PKHD1: variants seen among roughly 807,000 people sequenced by gnomAD.
PKHD1 encodes PKHD1 ciliary IPT domain containing fibrocystin/polyductin.
PKHD1 carries 291 observed loss-of-function variants against 412.0 expected under a neutral mutation model. That is an observed-to-expected ratio of 0.71 (90% CI 0.64 to 0.78). The LOEUF is 0.78. Among genes scored for constraint, PKHD1 ranks in the 30% least tolerant of loss-of-function variants. The pLI, the probability that PKHD1 is intolerant of heterozygous loss-of-function variation, is 0.00. For missense variants in PKHD1, 4,825 were observed against 4,950.7 expected, an observed-to-expected ratio of 0.97 and a Z score of 0.76; for synonymous variants, 1,777 against 1,821.5, an observed-to-expected ratio of 0.98 and a Z score of 0.62.
intron 55 of PKHD1, 103 bp from the exon 56 acceptor site, chr6:51,755,041 C>A: frequency 1.0e-6 from 1 of 971,868 alleles, no homozygotes; most frequent in Admixed American, 1.7e-5. Context: ...CAACATATCC[C>A]ACCAGAGAAA....
intron 60 of PKHD1, among the ~76,000 whole-genome samples, chr6:51,739,113 A>G (rs951148205): frequency 3.4e-5 from 5 of 146,534 alleles, no homozygotes; most frequent in Admixed American, 6.8e-5. Context: ...ATATATTTAT[A>G]TATTTTTTTA....
chr6:51,643,197 AAC>A (rs937789398), intron 63 of PKHD1, among the ~76,000 whole-genome samples: 10 of 152,226 alleles, frequency 6.6e-5, no homozygotes, highest in Non-Finnish European at 1.5e-4. Context: ...ACAGCATCAA[AAC>A]AGGCAGTTCG....
chr6:52,072,917 CT>C (rs1810841543), intron 7 of PKHD1, among the ~76,000 whole-genome samples: 2 of 152,308 alleles, frequency 1.3e-5, no homozygotes, highest in African/African-American at 4.8e-5. Context: ...TGTTCTCTCT[CT>C]CCAGTGTGGA....
intron 60 of PKHD1, chr6:51,741,152 T>G: frequency 1.9e-6 from 1 of 518,980 alleles, no homozygotes. Context: ...AAGAACATAT[T>G]TGTGCCTAAA....
Position 51,867,866 on chromosome 6 carries a change from C to T in PKHD1, c.7730G>A (p.Gly2577Asp). ...GGVLFHRMSI[G>D]LANTPEVSYD... ...AAGTATAGTTAATTCCACTTACAAA[C>T]CAATAGACATACGATGAAAAAGAAC... is the stretch of plus-strand genomic sequence containing the variant. Residue 2577 changes from glycine to aspartate, a missense_variant, in exon 48 of 67, where the codon GGT (glycine) becomes GAT (aspartate). Gly to Asp is a moderately conservative substitution (Grantham distance 94). Transcript: ENST00000371117. 4 of 1,613,164 alleles carry T rather than the reference C, an allele frequency of 2.5e-6. No homozygotes were observed. Among genetic ancestry groups the T allele is most frequent in the Non-Finnish European group, 3.4e-6 (4 of 1,179,300 alleles).
intron 60 of PKHD1, among the ~76,000 whole-genome samples, chr6:51,679,633 T>TC (rs1776357453): frequency 6.6e-6 from 1 of 151,990 alleles, no homozygotes; most frequent in African/African-American, 2.4e-5. Context: ...AGTCAAGAAT[T>TC]TCCAAGGAAG....
chr6:51,985,639 G>C (rs553826895), intron 35 of PKHD1, among the ~76,000 whole-genome samples: 1 of 152,254 alleles, frequency 6.6e-6, no homozygotes, highest in South Asian at 2.1e-4. Context: ...TGAGGCAGGA[G>C]AATCGCTTGA....
rs1170519643 is a variant in PKHD1 at position 51,880,766 on chromosome 6, TA to T, written c.7350+2326del. 1.5e-3 allele frequency among the ~76,000 whole-genome samples: 29 copies of T among 19,390 alleles called. 1 individual carries two copies. The highest frequency in any genetic ancestry group is 0.012 in the Admixed American group (10 of 822). 12.7% of individuals were successfully genotyped at this position (19,390 alleles called of 152,430 possible). On this transcript the variant is annotated intron_variant, in intron 46 of 66. Transcript: ENST00000371117. ...ATGTACCCTAAAACTTAGAGTATAATAAAAAAAAAAATTAAAAAAAAAAAAA... is the reference window on the plus strand; with the variant it reads ...ATGTACCCTAAAACTTAGAGTATAATAAAAAAAAAATTAAAAAAAAAAAAA...
At chr6:52,065,166 T>TAGAGAGAGAGAGAGAGAGAGAG (rs1244491200) in intron 12 of PKHD1, 116 bp from the exon 13 acceptor site, 3 of 49,532 alleles carry the variant, frequency 6.1e-5, no homozygotes, top group Non-Finnish European at 1.0e-4. Flanking sequence ...TATATATATA[T>TAGAGAGAGAGAGAGAGAGAGAG]ATAGAGAGAG....
At chr6:51,646,360 C>T (rs1430987543) in intron 63 of PKHD1, among the ~76,000 whole-genome samples, 1 of 152,126 alleles carries the variant, frequency 6.6e-6, no homozygotes, top group East Asian at 1.9e-4. Flanking sequence ...TTGAGGCTGT[C>T]AGGCAAGATC....
At chr6:52,011,208 A>C (rs192327628) in intron 34 of PKHD1, among the ~76,000 whole-genome samples, 44 of 152,282 alleles carry the variant, frequency 2.9e-4, no homozygotes, top group African/African-American at 8.2e-4. Flanking sequence ...AGAAAGTCTA[A>C]AAATATGCCA....
intron 36 of PKHD1, among the ~76,000 whole-genome samples, chr6:51,943,807 CT>C: frequency 6.6e-6 from 1 of 151,506 alleles, no homozygotes; most frequent in East Asian, 1.9e-4. Flanking sequence ...ACCACAAAAC[CT>C]TCCTTCAGCT....
chr6:51,807,469 A>ATGTATG (rs1298916708), intron 52 of PKHD1, among the ~76,000 whole-genome samples: 1 of 113,372 alleles, frequency 8.8e-6, no homozygotes, highest in African/African-American at 3.9e-5. Flanking sequence ...ATATATATAT[A>ATGTATG]TATATATATA....
At chr6:51,899,472 C>T (rs1367727873) in intron 43 of PKHD1, among the ~76,000 whole-genome samples, 1 of 152,044 alleles carries the variant, frequency 6.6e-6, no homozygotes, top group African/African-American at 2.4e-5. Context: ...AACAACCCTT[C>T]ATGCTAAAAA....
At chr6:51,766,324 TC>T (rs1788998178) in intron 55 of PKHD1, among the ~76,000 whole-genome samples, 1 of 152,110 alleles carries the variant, frequency 6.6e-6, no homozygotes, top group Non-Finnish European at 1.5e-5. Context: ...TCCAGGGATT[TC>T]CCTATTATGT....
Position 52,069,540 on chromosome 6 carries a change from CA to C in PKHD1, c.708-14del, listed in dbSNP as rs1244860818. The C allele has an allele frequency of 4.4e-6, 7 of 1,605,686 alleles. No homozygotes were observed. In the Admixed American group the frequency reaches 1.2e-4, roughly 27 times the overall value. On this transcript the variant is annotated splice_polypyrimidine_tract_variant and intron_variant, in intron 10 of 66. Coordinates refer to ENST00000371117, the MANE Select transcript of PKHD1 (RefSeq NM_138694.4). ...GTGGACCATTGACCTTCGAAAAAGA[CA>C]AAGTTCTGTTTTGAATGAAAATATC...
chr6:51,713,388 A>G (rs1395799016), intron 60 of PKHD1, among the ~76,000 whole-genome samples: 1 of 152,166 alleles, frequency 6.6e-6, no homozygotes, highest in East Asian at 1.9e-4. Flanking sequence ...GTGATGGGGA[A>G]AAAAAGTTTG....
intron 55 of PKHD1, among the ~76,000 whole-genome samples, chr6:51,757,618 A>G (rs1389130432): frequency 6.6e-6 from 1 of 152,078 alleles, no homozygotes; most frequent in East Asian, 1.9e-4. Flanking sequence ...TGACATAAAA[A>G]ATGCTGTTTA....
At chr6:51,804,164 A>T (rs1763351741) in intron 52 of PKHD1, among the ~76,000 whole-genome samples, 1 of 151,278 alleles carries the variant, frequency 6.6e-6, no homozygotes, top group South Asian at 2.1e-4. Context: ...GTGCCCATCC[A>T]TCTCTGATAA....
Sources: allele counts gnomAD v4.1 joint callset (sites outside exome capture counted in the v4.1 genomes callset), GRCh38; gene constraint gnomAD v4.1.1; transcripts MANE v1.5; gene names NCBI Gene and HGNC (gene_info 2026-07-23, HGNC 2026-07-21).